The following JAM3 variants were observed in gnomAD, a reference collection of about 807,000 sequenced individuals.
The protein encoded by JAM3 is junctional adhesion molecule 3.
A neutral mutation model predicts 39.4 loss-of-function variants in JAM3; 31 were observed. That is an observed-to-expected ratio of 0.79 (90% confidence interval 0.59 to 1.06). The LOEUF is 1.06. Among genes scored for constraint, JAM3 ranks in the 50% least tolerant of loss-of-function variants. The pLI, the probability that JAM3 is intolerant of heterozygous loss-of-function variation, is 0.00. For synonymous variants in JAM3, 182 were observed against 148.7 expected (o/e 1.22, Z -1.63); for missense variants, 455 against 391.4 (o/e 1.16, Z -1.37).
intron 1 of JAM3, among the ~76,000 whole-genome samples, chr11:134,133,642 C>T (rs1251546939): frequency 6.6e-6 from 1 of 152,080 alleles, no homozygotes; most frequent in Non-Finnish European, 1.5e-5. Flanking sequence ...GTACTTAACT[C>T]CAGCCGCCTC....
intron 1 of JAM3, among the ~76,000 whole-genome samples, chr11:134,091,148 T>G (rs112416487): frequency 2.4e-4 from 36 of 152,200 alleles, no homozygotes; most frequent in African/African-American, 8.7e-4. Context: ...CAGTTAAAAG[T>G]GGTCATCTGA....
intron 1 of JAM3, among the ~76,000 whole-genome samples, chr11:134,111,774 A>T (rs1042651433): frequency 1.3e-5 from 2 of 152,210 alleles, no homozygotes; most frequent in African/African-American, 2.4e-5. Context: ...ATAAAAAGGG[A>T]ATCTCCATTT....
chr11:134,132,166 TA>T (rs1942781959), intron 1 of JAM3, among the ~76,000 whole-genome samples: 2 of 152,300 alleles, frequency 1.3e-5, no homozygotes, highest in East Asian at 3.9e-4. Context: ...GAGAAATTCT[TA>T]AAAGCACCCA....
At position 134,139,863 on chromosome 11, in the gene JAM3, G is replaced by C; in HGVS notation, c.89G>C (p.Gly30Ala). 6.2e-7 allele frequency: 1 copy of C among 1,613,806 alleles called. No individual in the cohort carries two copies. Among genetic ancestry groups the C allele is most frequent in the Non-Finnish European group, 8.5e-7 (1 of 1,179,722 alleles). The change falls in exon 2 of 9, where the codon GGG becomes GCG. Residue 30 changes from glycine (G) to alanine (A), a missense_variant. Transcript: ENST00000299106. The stretch of plus-strand genomic sequence containing the variant: ...CTTTCTCCTTCAGGCTGCCTGATAG[G>C]GGCTGTAAATCTCAAATCCAGCAAT... The part of the protein sequence containing the change: ...LLLLFRGCLI[G>A]AVNLKSSNRT...
chr11:134,121,902 T>C (rs1178666559), intron 1 of JAM3, among the ~76,000 whole-genome samples: 1 of 151,820 alleles, frequency 6.6e-6, no homozygotes, highest in Non-Finnish European at 1.5e-5. Flanking sequence ...AGGTTTGTCA[T>C]GGTATTGATC....
chr11:134,140,879 A>G (rs1015718823), intron 3 of JAM3, 109 bp downstream of exon 3: 13 of 1,359,248 alleles, frequency 9.6e-6, no homozygotes, highest in Non-Finnish European at 1.3e-5. Flanking sequence ...ATCTGTAGCT[A>G]GGACCGTTTT....
At chr11:134,074,877 A>G (rs1438144486) in intron 1 of JAM3, among the ~76,000 whole-genome samples, 2 of 151,964 alleles carry the variant, frequency 1.3e-5, no homozygotes, top group African/African-American at 4.8e-5. Flanking sequence ...CCTGCCCAAC[A>G]TGGACTTCCC....
intron 1 of JAM3, among the ~76,000 whole-genome samples, chr11:134,091,746 A>T (rs952209904): frequency 6.6e-6 from 1 of 152,098 alleles, no homozygotes; most frequent in East Asian, 1.9e-4. Flanking sequence ...TCAAGGATGT[A>T]TCATGCAAAT....
intron 1 of JAM3, among the ~76,000 whole-genome samples, chr11:134,133,248 T>G (rs1942800986): frequency 6.6e-6 from 1 of 152,188 alleles, no homozygotes; most frequent in African/African-American, 2.4e-5. Flanking sequence ...ACAGAGATAA[T>G]TTTCCTACTT....
chr11:134,127,051 A>G (rs1217526992), intron 1 of JAM3, among the ~76,000 whole-genome samples: 1 of 152,252 alleles, frequency 6.6e-6, no homozygotes, highest in Non-Finnish European at 1.5e-5. Context: ...TCAAGCATGC[A>G]CACAATAAAA....
intron 1 of JAM3, among the ~76,000 whole-genome samples, chr11:134,110,740 A>G (rs1016404060): frequency 3.4e-4 from 51 of 152,152 alleles, no homozygotes; most frequent in African/African-American, 5.3e-4. Context: ...GAGTTGCTGG[A>G]TATGTTCGCT....
intron 1 of JAM3, among the ~76,000 whole-genome samples, chr11:134,088,498 A>C (rs2120622974): frequency 6.6e-6 from 1 of 152,294 alleles, no homozygotes; most frequent in Non-Finnish European, 1.5e-5. Flanking sequence ...ATATTCTTTA[A>C]GGAAAAAACG....
chr11:134,113,536 G>A (rs923129630), intron 1 of JAM3, among the ~76,000 whole-genome samples: 3 of 152,106 alleles, frequency 2.0e-5, no homozygotes, highest in Non-Finnish European at 4.4e-5. Flanking sequence ...CATCTTTTAT[G>A]GCTGCATAGT....
chr11:134,104,453 G>C (rs12794831), intron 1 of JAM3, among the ~76,000 whole-genome samples: 3,285 of 152,102 alleles, frequency 0.022, 52 homozygotes, highest in Non-Finnish European at 0.033. Context: ...AAGAACTAGA[G>C]AAGCAAGAGA....
chr11:134,144,709 C>A, intron 4 of JAM3, 83 bp from the exon 5 acceptor site: 1 of 1,289,560 alleles, frequency 7.8e-7, no homozygotes, highest in Non-Finnish European at 1.1e-6. Flanking sequence ...GCTGTCTTGT[C>A]TTTGGAGCTG....
chr11:134,149,327 C>T lies in JAM3; in HGVS notation c.*146C>T, dbSNP rs963678628. On this transcript the variant is annotated 3_prime_UTR_variant, in exon 9 of 9. Coordinates refer to ENST00000299106, the MANE Select transcript of JAM3 (RefSeq NM_032801.5). ...TCGTTTTGGCCAAAGTTGACCACTA[C>T]TCTTCTTACTCTAACAAGCCACATG... is the stretch of plus-strand genomic sequence containing the variant. 4 of 820,818 alleles carry T rather than the reference C, an allele frequency of 4.9e-6. No individual in the cohort carries two copies. Among genetic ancestry groups the T allele is most frequent in the Admixed American group, 2.0e-5 (1 of 48,830 alleles). 50.8% of individuals were successfully genotyped at this position (820,818 alleles called of 1,614,324 possible). A position where few individuals can be genotyped will look rare whatever the true frequency, so the allele number is the denominator to read the frequency against.
At chr11:134,083,662 A>G (rs114072657) in intron 1 of JAM3, among the ~76,000 whole-genome samples, 2 of 147,774 alleles carry the variant, frequency 1.4e-5, no homozygotes, top group African/African-American at 2.4e-5. Context: ...AGCTCACATT[A>G]AAAAAAAACA....
intron 1 of JAM3, among the ~76,000 whole-genome samples, chr11:134,093,384 A>G (rs1306655364): frequency 9.2e-6 from 1 of 108,948 alleles, no homozygotes; most frequent in Non-Finnish European, 1.8e-5. Flanking sequence ...TCCACCTTAC[A>G]TCTTATTCAT....
chr11:134,122,299 A>G (rs903960785), intron 1 of JAM3, among the ~76,000 whole-genome samples: 1 of 152,196 alleles, frequency 6.6e-6, no homozygotes, highest in African/African-American at 2.4e-5. Context: ...AGATAAGATG[A>G]CTTTAAGCCT....
Sources: allele counts gnomAD v4.1 joint callset (sites outside exome capture counted in the v4.1 genomes callset), GRCh38; gene constraint gnomAD v4.1.1; transcripts MANE v1.5; gene names NCBI Gene and HGNC (gene_info 2026-07-23, HGNC 2026-07-21).